Variants in CEP89 observed in about 807,000 individuals in gnomAD.
CEP89 encodes the protein centrosomal protein 89, also known as centrosomal protein of 89 kDa.
In CEP89, 95 loss-of-function variants were observed where a neutral mutation model predicts 97.6. The ratio of observed to expected loss-of-function variants is 0.97; its 90% CI spans 0.82 to 1.15. CEP89 has a LOEUF of 1.15. Ranked by LOEUF, CEP89 falls within the 50% of genes most tolerant of loss-of-function variation. The probability of loss-of-function intolerance (pLI) is 0.00; values close to 1 mark genes in which losing one functional copy is unlikely to be tolerated. For missense variants in CEP89, 869 were observed against 947.7 expected, an observed-to-expected ratio of 0.92 and a Z score of 1.09; for synonymous variants, 354 against 349.1, an observed-to-expected ratio of 1.01 and a Z score of -0.16.
At chr19:32,882,154 T>C (rs1599704719) in intron 17 of CEP89, 141 bp from the exon 18 acceptor site, 1 of 678,240 alleles carries the variant, frequency 1.5e-6, no homozygotes, top group East Asian at 2.7e-5. Flanking sequence ...GGTCTGGGAT[T>C]GCAAGTCTGG....
chr19:32,940,518 C>A (rs1452299520), intron 5 of CEP89, among the ~76,000 whole-genome samples: 1 of 152,162 alleles, frequency 6.6e-6, no homozygotes, highest in Non-Finnish European at 1.5e-5. Context: ...ACACATCTTG[C>A]CCACCACTCC....
chr19:32,927,209 CATCT>C (rs979840091), intron 9 of CEP89, among the ~76,000 whole-genome samples: 3 of 151,878 alleles, frequency 2.0e-5, no homozygotes, highest in Non-Finnish European at 2.9e-5. Flanking sequence ...TACACCTACC[CATCT>C]ATCTATCTAT....
At chr19:32,925,171 T>G (rs1386518250) in intron 11 of CEP89, among the ~76,000 whole-genome samples, 1 of 152,074 alleles carries the variant, frequency 6.6e-6, no homozygotes, top group Non-Finnish European at 1.5e-5. Flanking sequence ...AACATTTCTT[T>G]CGCTGGATCC....
rs1418261020 is a variant in CEP89 at position 32,891,582 on chromosome 19, T to C, written c.1876-3741A>G. On this transcript the variant is annotated intron_variant, in intron 16 of 18. Transcript: ENST00000305768. ...AAATAATGATATTAAAGAAGCTCAG[T>C]AAAATATAACAGAACACAAATAAAC... Among the ~76,000 whole-genome samples the C allele has an allele frequency of 4.0e-5, 6 of 151,674 alleles. No homozygotes were observed. In the South Asian group the frequency reaches 1.0e-3, roughly 26 times the overall value.
At chr19:32,895,731 A>C (rs140631087) in intron 16 of CEP89, among the ~76,000 whole-genome samples, 1 of 144,906 alleles carries the variant, frequency 6.9e-6, no homozygotes, top group East Asian at 2.0e-4. Context: ...AGACTTCACC[A>C]AACGACTCTT....
intron 14 of CEP89, among the ~76,000 whole-genome samples, chr19:32,905,200 C>T (rs1378788293): frequency 6.6e-6 from 1 of 152,118 alleles, no homozygotes; most frequent in Non-Finnish European, 1.5e-5. Context: ...CAACATTTCC[C>T]TATTTGGTGT....
chr19:32,895,669 A>C (rs1424070282), intron 16 of CEP89, among the ~76,000 whole-genome samples: 1 of 152,120 alleles, frequency 6.6e-6, no homozygotes, highest in Admixed American at 6.6e-5. Flanking sequence ...GAAAAGAGAA[A>C]GTCAAATTTT....
At chr19:32,922,262 C>T (rs1970264896) in intron 12 of CEP89, among the ~76,000 whole-genome samples, 1 of 152,130 alleles carries the variant, frequency 6.6e-6, no homozygotes, top group South Asian at 2.1e-4. Context: ...GACAAAGGGG[C>T]CGGGTGCAGT....
At chr19:32,937,513 G>A (rs1970603213) in intron 7 of CEP89, 118 bp downstream of exon 7, 1 of 853,832 alleles carries the variant, frequency 1.2e-6, no homozygotes. Context: ...AGGCAAGGGT[G>A]AAAGTTCAAC....
Position 32,881,968 on chromosome 19 carries a change from G to A in CEP89, c.2011C>T (p.Arg671Cys), listed in dbSNP as rs772350734. 50 of 1,588,244 alleles carry A rather than the reference G, an allele frequency of 3.1e-5. 1 individual carries two copies. Among genetic ancestry groups the A allele is most frequent in the South Asian group, 4.6e-5 (4 of 87,528 alleles). The stretch of plus-strand genomic sequence containing the variant: ...AAGTCCTCCTGCTGCTCCAGCAGAC[G>A]GTGACTGATGTCCCCCAGCTTCAGT... ...AALKLGDISHRLLEQQEDFAG... is the reference protein window; with the variant it reads ...AALKLGDISHCLLEQQEDFAG... Residue 671 changes from arginine (R) to cysteine (C), a missense_variant, in exon 18 of 19, where the codon CGT becomes TGT. By Grantham distance (180) the Arg-to-Cys change is radical (BLOSUM62 -3). Coordinates refer to ENST00000305768, the MANE Select transcript of CEP89 (RefSeq NM_032816.5).
chr19:32,890,295 G>A (rs1185748273), intron 16 of CEP89, among the ~76,000 whole-genome samples: 1 of 152,122 alleles, frequency 6.6e-6, no homozygotes, highest in Admixed American at 6.5e-5. Context: ...AGCTACTCAG[G>A]AGGCTGAGGC....
chr19:32,934,143 G>A (rs143442559), intron 7 of CEP89, among the ~76,000 whole-genome samples: 369 of 151,690 alleles, frequency 2.4e-3, no homozygotes, highest in African/African-American at 8.6e-3. Flanking sequence ...GGCTGGGTGC[G>A]GGCAGTGAGA....
At chr19:32,920,716 T>C (rs761952830) in intron 12 of CEP89, among the ~76,000 whole-genome samples, 4 of 151,898 alleles carry the variant, frequency 2.6e-5, no homozygotes, top group Non-Finnish European at 5.9e-5. Context: ...ACTCCTGGCC[T>C]CAACTGATCC....
At chr19:32,967,659 C>T (rs1203955270) in intron 1 of CEP89, among the ~76,000 whole-genome samples, 1 of 152,182 alleles carries the variant, frequency 6.6e-6, no homozygotes, top group South Asian at 2.1e-4. Context: ...TGCTTTCCTT[C>T]GAGAAAATCA....
At chr19:32,957,615 G>C (rs1376839238) in intron 3 of CEP89, among the ~76,000 whole-genome samples, 2 of 152,132 alleles carry the variant, frequency 1.3e-5, no homozygotes, top group South Asian at 2.1e-4. Context: ...TTTGAGACCA[G>C]CCTGGCCAAC....
intron 4 of CEP89, among the ~76,000 whole-genome samples, chr19:32,950,101 C>T (rs1163954281): frequency 6.6e-6 from 1 of 151,784 alleles, no homozygotes; most frequent in Non-Finnish European, 1.5e-5. Flanking sequence ...ATGATCCTCC[C>T]ACCTCCACCT....
At chr19:32,921,542 T>C (rs1276156088) in intron 12 of CEP89, among the ~76,000 whole-genome samples, 1 of 152,252 alleles carries the variant, frequency 6.6e-6, no homozygotes. Context: ...TGCGGGGCTG[T>C]GGATTTGAAA....
intron 12 of CEP89, among the ~76,000 whole-genome samples, chr19:32,921,927 A>AT (rs1376296798): frequency 2.6e-5 from 4 of 152,092 alleles, no homozygotes; most frequent in Non-Finnish European, 5.9e-5. Flanking sequence ...AAAATACTTC[A>AT]TTTTTTCCAG....
intron 11 of CEP89, 79 bp downstream of exon 11, chr19:32,926,111 T>C: frequency 2.9e-6 from 3 of 1,029,090 alleles, no homozygotes; most frequent in Admixed American, 1.8e-5. Context: ...TATACCTACA[T>C]TCAAAATGTT....
Sources: allele counts gnomAD v4.1 joint callset (sites outside exome capture counted in the v4.1 genomes callset), GRCh38; gene constraint gnomAD v4.1.1; transcripts MANE v1.5; gene names NCBI Gene and HGNC (gene_info 2026-07-23, HGNC 2026-07-21).